Variants in CHN2 observed in about 807,000 individuals in gnomAD.
CHN2 encodes the protein beta-chimaerin.
In CHN2, 35 loss-of-function variants were observed where a neutral mutation model predicts 56.3. That is an observed-to-expected ratio of 0.62 (90% CI 0.47 to 0.82). The LOEUF (loss-of-function observed/expected upper bound fraction) is 0.82. Among genes scored for constraint, CHN2 ranks in the 40% least tolerant of loss-of-function variants. The pLI, the probability that CHN2 is intolerant of heterozygous loss-of-function variation, is 0.00. For missense variants in CHN2, 491 were observed against 580.5 expected (o/e 0.85, Z 1.58); for synonymous variants, 210 against 212.8 (o/e 0.99, Z 0.12).
At chr7:29,427,656 CTTTTTT>C (rs754677450) in intron 6 of CHN2, among the ~76,000 whole-genome samples, 1 of 120,398 alleles carries the variant, frequency 8.3e-6, no homozygotes, top group South Asian at 2.7e-4. Flanking sequence ...ATTTTTTATT[CTTTTTT>C]TTTTTTTTTT....
intron 1 of CHN2, among the ~76,000 whole-genome samples, chr7:29,311,153 G>T (rs1794574146): frequency 6.6e-6 from 1 of 152,080 alleles, no homozygotes; most frequent in South Asian, 2.1e-4. Context: ...CTTGTATCCA[G>T]TCCCTCCATC....
chr7:29,327,222 A>T (rs1299659197), intron 1 of CHN2, among the ~76,000 whole-genome samples: 1 of 152,186 alleles, frequency 6.6e-6, no homozygotes, highest in African/African-American at 2.4e-5. Context: ...GTTTCACAGA[A>T]GTGAGCTCCC....
At chr7:29,216,320 T>C (rs924790207) in intron 1 of CHN2, among the ~76,000 whole-genome samples, 6 of 152,204 alleles carry the variant, frequency 3.9e-5, no homozygotes, top group African/African-American at 1.4e-4. Context: ...CCCACCAGGA[T>C]TGAAGACTGC....
At chr7:29,286,499 C>T (rs956860721) in intron 1 of CHN2, among the ~76,000 whole-genome samples, 8 of 152,112 alleles carry the variant, frequency 5.3e-5, no homozygotes, top group Admixed American at 3.3e-4. Context: ...CTGAGGTTTC[C>T]GTGGGGCAGG....
intron 6 of CHN2, among the ~76,000 whole-genome samples, chr7:29,415,582 A>T (rs555638021): frequency 6.6e-6 from 1 of 152,286 alleles, no homozygotes; most frequent in South Asian, 2.1e-4. Context: ...CTCGGGACAC[A>T]GTTGGTGGAG....
At chr7:29,485,231 T>C (rs1431647161) in intron 7 of CHN2, among the ~76,000 whole-genome samples, 1 of 152,184 alleles carries the variant, frequency 6.6e-6, no homozygotes, top group Non-Finnish European at 1.5e-5. Flanking sequence ...CACACTAATA[T>C]GTGTGATTGA....
intron 6 of CHN2, chr7:29,479,694 T>TG (rs1786916823): frequency 9.5e-7 from 1 of 1,050,794 alleles, no homozygotes. Context: ...CAGAGCTGGC[T>TG]GGGGGGTGTG....
chr7:29,308,020 C>A lies in CHN2; in HGVS notation c.50-46605C>A, dbSNP rs1039163824. Among the ~76,000 whole-genome samples the A allele has an allele frequency of 2.0e-5, 3 of 152,168 alleles. No individual in the cohort carries two copies. The East Asian group carries it at 5.8e-4, about 29-fold the overall frequency. ...CACTGCATCTTTCTGGATTTTTGGTCATTTTAAATAAATCAGCTAATAGTG... is the reference window on the plus strand; with the variant it reads ...CACTGCATCTTTCTGGATTTTTGGTAATTTTAAATAAATCAGCTAATAGTG... On this transcript the variant is annotated intron_variant, in intron 1 of 12. Coordinates refer to ENST00000222792, the MANE Select transcript of CHN2 (RefSeq NM_004067.4).
upstream of CHN2, among the ~76,000 whole-genome samples, chr7:29,191,381 A>G (rs569022546): frequency 6.6e-6 from 1 of 152,354 alleles, no homozygotes; most frequent in African/African-American, 2.4e-5. Flanking sequence ...AATCAGGGAA[A>G]ACTTTCCAGA....
intron 6 of CHN2, among the ~76,000 whole-genome samples, chr7:29,427,630 A>G (rs1185216545): frequency 6.7e-6 from 1 of 148,180 alleles, no homozygotes; most frequent in Non-Finnish European, 1.5e-5. Flanking sequence ...CAAGCAAGCT[A>G]TTAGTTCAAG....
chr7:29,164,443 T>TTTTCATTTCCTCTTTTTCA (rs1394361656), intron 2 of CHN2, among the ~76,000 whole-genome samples: 1 of 152,086 alleles, frequency 6.6e-6, no homozygotes, highest in Non-Finnish European at 1.5e-5. Flanking sequence ...TTGGCTTGCC[T>TTTTCATTTCCTCTTTTTCA]TTTCATTTCC....
intron 12 of CHN2, among the ~76,000 whole-genome samples, chr7:29,510,365 G>A (rs55990744): frequency 0.16 from 24,580 of 152,004 alleles, 2,292 homozygotes; most frequent in Non-Finnish European, 0.2. Flanking sequence ...CTTGAACCCG[G>A]GAGACGAAGG....
At chr7:29,238,882 G>T (rs1228504545) in intron 1 of CHN2, among the ~76,000 whole-genome samples, 1 of 152,214 alleles carries the variant, frequency 6.6e-6, no homozygotes, top group Non-Finnish European at 1.5e-5. Context: ...AGTGGCTGGA[G>T]AAAATGAGCA....
chr7:29,273,353 A>ATATATATATATATATATATATATGTG (rs1790864753), intron 1 of CHN2, among the ~76,000 whole-genome samples: 1 of 63,368 alleles, frequency 1.6e-5, no homozygotes. Context: ...GTATATATAT[A>ATATATATATATATATATATATATGTG]TATATATATA....
intron 9 of CHN2, among the ~76,000 whole-genome samples, chr7:29,503,843 G>T (rs1178621488): frequency 6.6e-6 from 1 of 152,156 alleles, no homozygotes; most frequent in African/African-American, 2.4e-5. Context: ...CTATAGTTTT[G>T]ATAGCAGCTA....
chr7:29,439,936 G>A (rs1783506783), intron 6 of CHN2, among the ~76,000 whole-genome samples: 1 of 152,196 alleles, frequency 6.6e-6, no homozygotes, highest in Non-Finnish European at 1.5e-5. Flanking sequence ...TCTTGTGAAG[G>A]TTAATTAACT....
intron 1 of CHN2, among the ~76,000 whole-genome samples, chr7:29,305,819 TCTCCTC>T (rs138186453): frequency 2.4e-5 from 3 of 124,646 alleles, no homozygotes; most frequent in African/African-American, 8.3e-5. Flanking sequence ...TCCTCGTCTT[TCTCCTC>T]CTCCTCCTCC....
chr7:29,238,397 TAA>T lies in CHN2; in HGVS notation c.49+43409_49+43410del, dbSNP rs376644343. ...AATTTCATGTCATCAGGCAGACCAT[TAA>T]ATACTTTTGCATGGGGAATGATCAT... On this transcript the variant is annotated intron_variant, in intron 1 of 12. Coordinates refer to ENST00000222792, the MANE Select transcript of CHN2 (RefSeq NM_004067.4). Among the ~76,000 whole-genome samples, 554 of 152,354 alleles carry T rather than the reference TAA, an allele frequency of 3.6e-3. 3 individuals are homozygous for T. The highest frequency in any genetic ancestry group is 0.013 in the African/African-American group (530 of 41,586).
rs889106321 is a variant in CHN2, at chr7:29,366,793, T to G, written c.89-1139T>G. 3.3e-5 allele frequency among the ~76,000 whole-genome samples: 5 copies of G among 152,268 alleles called. No individual in the cohort carries two copies. In the South Asian group the frequency reaches 1.0e-3, roughly 32 times the overall value. ...GCTCCTTCTCTGTGCTAAAACCAGG[T>G]AGTCTACACTAATTAGGTAAGAAAA... On this transcript the variant is annotated intron_variant, in intron 2 of 12. Transcript: ENST00000222792.
Sources: gnomAD v4.1 joint callset for allele counts (sites outside exome capture counted in the v4.1 genomes callset) on GRCh38, gnomAD v4.1.1 for gene constraint, MANE v1.5 for transcripts, NCBI Gene and HGNC (gene_info 2026-07-23, HGNC 2026-07-21) for gene names.